The following CCDC171 variants were observed in gnomAD, a reference collection of about 807,000 sequenced individuals.
CCDC171 encodes coiled-coil domain containing 171, also known as coiled-coil domain-containing protein 171.
Under a neutral mutation model 168.2 loss-of-function variants are expected in CCDC171, and 177 were observed. The observed-to-expected ratio is 1.05, with a 90% CI of 0.93 to 1.19. CCDC171 has a LOEUF of 1.19. Ranked by LOEUF, CCDC171 falls within the 50% of genes most tolerant of loss-of-function variation. The pLI, the probability that CCDC171 is intolerant of heterozygous loss-of-function variation, is 0.00. For synonymous variants in CCDC171, 687 were observed against 540.8 expected (o/e 1.27, Z -3.75); for missense variants, 1,991 against 1,539.0 (o/e 1.29, Z -4.91).
rs1407348711 is a variant in CCDC171 at position 15,817,573 on chromosome 9, A to G, written c.3268-29129A>G. Among the ~76,000 whole-genome samples, 3 of 118,318 alleles carry G rather than the reference A, an allele frequency of 2.5e-5. 1 individual carries two copies. The highest frequency in any genetic ancestry group is 5.7e-5 in the Non-Finnish European group (3 of 52,412). The allele number at this position is 118,318 out of a possible 152,430, so 77.6% of individuals were successfully genotyped here. On this transcript the variant is annotated intron_variant, in intron 21 of 25. Coordinates refer to ENST00000380701, the MANE Select transcript of CCDC171 (RefSeq NM_173550.4). ...TCCAGCACCTGGCTTGGAGGGTCCT[A>G]CGCCCACGGAGCCTCGCTCATTGCT... is the stretch of plus-strand genomic sequence containing the variant.
chr9:15,715,892 G>A lies in CCDC171; in HGVS notation c.1319-5877G>A, dbSNP rs147697893. Among the ~76,000 whole-genome samples the A allele has an allele frequency of 3.9e-3, 599 of 152,230 alleles. 5 individuals carry two copies. The highest frequency in any genetic ancestry group is 0.014 in the African/African-American group (581 of 41,546). ...TCTAAAAGGAAACGTGTAAATAGAGGGCTTGGAACCTTTTTTCTACTCCAC... is the reference window on the plus strand; with the variant it reads ...TCTAAAAGGAAACGTGTAAATAGAGAGCTTGGAACCTTTTTTCTACTCCAC... On this transcript the variant is annotated intron_variant, in intron 11 of 25. Coordinates refer to ENST00000380701, the MANE Select transcript of CCDC171 (RefSeq NM_173550.4).
At chr9:15,796,139 A>T (rs1232792835) in intron 21 of CCDC171, among the ~76,000 whole-genome samples, 4 of 152,214 alleles carry the variant, frequency 2.6e-5, no homozygotes, top group African/African-American at 9.7e-5. Flanking sequence ...GTGTTTTTTC[A>T]AGCATTCTAA....
intron 21 of CCDC171, among the ~76,000 whole-genome samples, chr9:15,827,377 A>C (rs962413678): frequency 6.6e-6 from 1 of 152,076 alleles, no homozygotes; most frequent in Non-Finnish European, 1.5e-5. Context: ...TGGTTTTACA[A>C]CTTGAGCCTC....
At chr9:15,646,449 A>C (rs2047044465) in intron 7 of CCDC171, among the ~76,000 whole-genome samples, 1 of 152,240 alleles carries the variant, frequency 6.6e-6, no homozygotes. Context: ...TAAAAGACAC[A>C]GACTGGCAAA....
chr9:15,770,205 A>G (rs1431566947), intron 18 of CCDC171, among the ~76,000 whole-genome samples: 1 of 152,230 alleles, frequency 6.6e-6, no homozygotes. Flanking sequence ...GATGTCCAAC[A>G]TGACATGTAT....
chr9:16,082,677 G>A, the CCDC171 span, among the ~76,000 whole-genome samples: 30 of 152,172 alleles, frequency 2.0e-4, no homozygotes, highest in African/African-American at 6.3e-4. Flanking sequence ...CTAAGTACAC[G>A]CATGCGTGAG....
At chr9:15,790,811 G>C (rs36197458) in intron 21 of CCDC171, among the ~76,000 whole-genome samples, 3 of 151,878 alleles carry the variant, frequency 2.0e-5, no homozygotes, top group South Asian at 2.1e-4. Flanking sequence ...AGCTTTCTAC[G>C]TATGGCTAGC....
chr9:15,869,992 A>G (rs541588812), intron 23 of CCDC171, among the ~76,000 whole-genome samples: 2 of 152,016 alleles, frequency 1.3e-5, no homozygotes, highest in East Asian at 1.9e-4. Context: ...TAAAGGCCAG[A>G]TAGTAAATAT....
At chr9:15,695,763 A>G (rs1470812033) in intron 11 of CCDC171, among the ~76,000 whole-genome samples, 1 of 152,178 alleles carries the variant, frequency 6.6e-6, no homozygotes. Flanking sequence ...CATGTTCTAT[A>G]CTTTCCAAGC....
chr9:15,983,817 A>AGTGTGTGTGTGTGTGT lies in CCDC171; in HGVS notation n.369-36747_369-36732dup, dbSNP rs58951910. ...AGGGAGGCAAGAGCTAAATAAAGAG[A>AGTGTGTGTGTGTGTGT]GTGTGTGTGTGTGTGTGTGTGTGTG... On this transcript the variant is annotated intron_variant and non_coding_transcript_variant, in intron 3 of 9. Transcript: ENST00000486641. Among the ~76,000 whole-genome samples, 24 of 142,518 alleles carry AGTGTGTGTGTGTGTGT rather than the reference A, an allele frequency of 1.7e-4. 1 individual carries two copies. Among genetic ancestry groups the AGTGTGTGTGTGTGTGT allele is most frequent in the African/African-American group, 4.9e-4 (19 of 38,606 alleles). 93.5% of individuals were successfully genotyped at this position (142,518 alleles called of 152,430 possible). A position where few individuals can be genotyped will look rare whatever the true frequency, so the allele number is the denominator to read the frequency against.
chr9:15,560,432 A>G (rs966665235), intron 1 of CCDC171, among the ~76,000 whole-genome samples: 6 of 150,342 alleles, frequency 4.0e-5, no homozygotes, highest in Non-Finnish European at 8.9e-5. Flanking sequence ...ATTTCTTTTT[A>G]CTCTTTTTTC....
chr9:15,930,544 T>A (rs10810480), intron 25 of CCDC171, among the ~76,000 whole-genome samples: 48,306 of 151,322 alleles, frequency 0.32, 9,442 homozygotes, highest in East Asian at 0.62. Context: ...GACATAAAAT[T>A]ACCATCATAA....
At chr9:15,878,172 C>T (rs1357704732) in intron 24 of CCDC171, among the ~76,000 whole-genome samples, 2 of 152,072 alleles carry the variant, frequency 1.3e-5, no homozygotes, top group East Asian at 3.8e-4. Flanking sequence ...GCAAAAGAAA[C>T]TATCAACAGA....
At chr9:16,059,639 C>T (rs1197096024) in intron 1 of CCDC171, among the ~76,000 whole-genome samples, 3 of 149,658 alleles carry the variant, frequency 2.0e-5, no homozygotes, top group South Asian at 2.1e-4. Flanking sequence ...CTCAGCCTCC[C>T]GAGTAGCTGG....
chr9:15,765,335 G>T lies in CCDC171; in HGVS notation c.2672-12265G>T, dbSNP rs554683675. On this transcript the variant is annotated intron_variant, in intron 18 of 25. Coordinates refer to ENST00000380701, the MANE Select transcript of CCDC171 (RefSeq NM_173550.4). ...ATGAGGGGTAATTCAATGTGTTTGT[G>T]TGGTAAGGGGAATGATTCAACGAAT... Among the ~76,000 whole-genome samples the T allele has an allele frequency of 1.4e-4, 22 of 152,208 alleles. No homozygotes were observed. The South Asian group carries it at 4.4e-3, about 30-fold the overall frequency.
intron 10 of CCDC171, among the ~76,000 whole-genome samples, chr9:15,689,752 A>C (rs1043074729): frequency 1.3e-5 from 2 of 152,154 alleles, no homozygotes; most frequent in East Asian, 3.9e-4. Flanking sequence ...AATAATCTTG[A>C]GAAAGAACCA....
chr9:15,695,752 G>T (rs747489847), intron 11 of CCDC171, among the ~76,000 whole-genome samples: 1 of 152,120 alleles, frequency 6.6e-6, no homozygotes, highest in Non-Finnish European at 1.5e-5. Context: ...GTAGCATAGC[G>T]CATGTTCTAT....
intron 6 of CCDC171, among the ~76,000 whole-genome samples, chr9:16,026,246 C>T (rs1833273090): frequency 6.6e-6 from 1 of 152,128 alleles, no homozygotes. Flanking sequence ...GCCAGGGTCT[C>T]AACAGATACA....
intron 11 of CCDC171, among the ~76,000 whole-genome samples, chr9:15,707,633 G>C (rs2052347822): frequency 6.6e-6 from 1 of 151,988 alleles, no homozygotes; most frequent in Non-Finnish European, 1.5e-5. Flanking sequence ...GACTTTCCTA[G>C]AAATGGAGTG....
Sources: gnomAD v4.1 joint callset for allele counts (sites outside exome capture counted in the v4.1 genomes callset) on GRCh38, gnomAD v4.1.1 for gene constraint, MANE v1.5 for transcripts, NCBI Gene and HGNC (gene_info 2026-07-23, HGNC 2026-07-21) for gene names.